Variants in LRP2 observed in about 807,000 individuals in gnomAD.
LRP2 encodes the protein low-density lipoprotein receptor-related protein 2.
A neutral mutation model predicts 531.0 loss-of-function variants in LRP2; 172 were observed. The ratio of observed to expected loss-of-function variants is 0.32; its 90% confidence interval spans 0.29 to 0.37. LRP2 has a LOEUF of 0.37. Among genes scored for constraint, LRP2 ranks in the 10% least tolerant of loss-of-function variants. The probability of loss-of-function intolerance (pLI) is 1.00; values close to 1 mark genes in which losing one functional copy is unlikely to be tolerated. For synonymous variants in LRP2, 1,992 were observed against 2,027.6 expected, an observed-to-expected ratio of 0.98 and a Z score of 0.47; for missense variants, 5,167 against 5,868.3, an observed-to-expected ratio of 0.88 and a Z score of 3.90.
chr2:169,243,813 A>C (rs1460775061), intron 22 of LRP2, among the ~76,000 whole-genome samples: 1 of 151,234 alleles, frequency 6.6e-6, no homozygotes, highest in Non-Finnish European at 1.5e-5. Flanking sequence ...CTTGGACTAC[A>C]TTTCATGAAT....
rs149622231 is a variant in LRP2 at position 169,312,848 on chromosome 2, C to T, written c.311-5451G>A. ...GTCACTTTCAGGTACAACAATCAGACGTAGATTTGGTCGTTTCACATAGTC... is the reference window on the plus strand; with the variant it reads ...GTCACTTTCAGGTACAACAATCAGATGTAGATTTGGTCGTTTCACATAGTC... On this transcript the variant is annotated intron_variant, in intron 3 of 78. Coordinates refer to ENST00000649046, the MANE Select transcript of LRP2 (RefSeq NM_004525.3). Among the ~76,000 whole-genome samples, 537 of 152,282 alleles carry T rather than the reference C, an allele frequency of 3.5e-3. 3 individuals are homozygous for T. The highest frequency in any genetic ancestry group is 0.012 in the African/African-American group (515 of 41,550).
chr2:169,312,594 C>A (rs1424270508), intron 3 of LRP2, among the ~76,000 whole-genome samples: 4 of 152,194 alleles, frequency 2.6e-5, no homozygotes, highest in Admixed American at 1.3e-4. Context: ...ATGGGCTTCC[C>A]TTTGTGGGTA....
chr2:169,260,546 T>C (rs1308145883), intron 16 of LRP2, among the ~76,000 whole-genome samples: 1 of 152,036 alleles, frequency 6.6e-6, no homozygotes, highest in African/African-American at 2.4e-5. Context: ...TAGAGGTGAT[T>C]GTAGGATATC....
intron 69 of LRP2, among the ~76,000 whole-genome samples, 167 bp downstream of exon 69, chr2:169,146,572 C>T (rs1250788052): frequency 2.0e-5 from 3 of 152,028 alleles, no homozygotes; most frequent in Non-Finnish European, 4.4e-5. Flanking sequence ...ATGAACTCAT[C>T]TGCATTTAAT....
At position 169,233,273 on chromosome 2, in the gene LRP2, T is replaced by A. The variant is rs879184774; in HGVS notation, c.5098+138A>T. On this transcript the variant is annotated intron_variant, in intron 30 of 78. Transcript: ENST00000649046. ...GGCAATGTCAGGACTAGGGAAAGTATATAGTGGGGTGGTTTGTAAAGAGAA... is the reference window on the plus strand; with the variant it reads ...GGCAATGTCAGGACTAGGGAAAGTAAATAGTGGGGTGGTTTGTAAAGAGAA... 1.0e-5 allele frequency: 9 copies of A among 879,938 alleles called. No individual in the cohort carries two copies. In the South Asian group the frequency reaches 1.1e-4, roughly 11 times the overall value. The allele number at this position is 879,938 out of a possible 1,614,324, so 54.5% of individuals were successfully genotyped here.
rs764172775 is a variant in LRP2 at position 169,138,216 on chromosome 2, AG to A, written c.13518+360del. 4.6e-5 allele frequency among the ~76,000 whole-genome samples: 7 copies of A among 152,340 alleles called. 1 individual carries two copies. The highest frequency in any genetic ancestry group is 1.9e-4 in the East Asian group (1 of 5,196). On this transcript the variant is annotated intron_variant, in intron 75 of 78. Coordinates refer to ENST00000649046, the MANE Select transcript of LRP2 (RefSeq NM_004525.3). ...AAATATATGACACTAGGAAAAATAT[AG>A]TTCCCTACTCCTTTTATACATATAA... is the stretch of plus-strand genomic sequence containing the variant.
At chr2:169,293,759 G>C (rs1438445039) in intron 6 of LRP2, among the ~76,000 whole-genome samples, 1 of 152,184 alleles carries the variant, frequency 6.6e-6, no homozygotes, top group African/African-American at 2.4e-5. Flanking sequence ...AGGAGAGTTA[G>C]AGCCACTCCT....
chr2:169,259,740 A>G lies in LRP2; in HGVS notation c.2321-523T>C, dbSNP rs540724724. Among the ~76,000 whole-genome samples the G allele has an allele frequency of 3.9e-3, 207 of 53,224 alleles. 1 individual carries two copies. Among genetic ancestry groups the G allele is most frequent in the African/African-American group, 0.011 (189 of 17,612 alleles). The allele number at this position is 53,224 out of a possible 152,430, so 34.9% of individuals were successfully genotyped here. ...GAAATCAGAACTGATTAAAAACAAC[A>G]ACAACAAAAAAAAAAAAACGCTTTC... On this transcript the variant is annotated intron_variant, in intron 16 of 78. Coordinates refer to ENST00000649046, the MANE Select transcript of LRP2 (RefSeq NM_004525.3).
rs924673331 is a variant in LRP2 at position 169,175,121 on chromosome 2, T to C, written c.10768+72A>G. 12 of 1,465,932 alleles carry C rather than the reference T, an allele frequency of 8.2e-6. No individual in the cohort carries two copies. The African/African-American group carries it at 1.7e-4, about 21-fold the overall frequency. The allele number at this position is 1,465,932 out of a possible 1,614,324, so 90.8% of individuals were successfully genotyped here. On this transcript the variant is annotated intron_variant, in intron 55 of 78. Transcript: ENST00000649046. ...TTTTTAGTTCATGATATTCAGGAAATACCCACAGAATCATGATCGTATACA... is the reference window on the plus strand; with the variant it reads ...TTTTTAGTTCATGATATTCAGGAAACACCCACAGAATCATGATCGTATACA...
At chr2:169,323,481 C>T (rs965563062) in intron 1 of LRP2, among the ~76,000 whole-genome samples, 1 of 152,106 alleles carries the variant, frequency 6.6e-6, no homozygotes, top group African/African-American at 2.4e-5. Context: ...TAGATTAGGT[C>T]TAATAACAAT....
chr2:169,212,195 G>C lies in LRP2; in HGVS notation c.6053C>G (p.Ser2018Cys). The part of the protein sequence containing the change: ...QVYHRRNAAE[S>C]SNGCSNNMNA... Reference sequence around the variant, plus strand: ...CATGTTGTTGCTACAGCCATTTGAGGATTCGGCGGCATCTAAATGAAAACA... The same window carrying C: ...CATGTTGTTGCTACAGCCATTTGAGCATTCGGCGGCATCTAAATGAAAACA... Residue 2018 changes from serine to cysteine, a missense_variant, in exon 37 of 79, where the codon TCC becomes TGC. Around this residue, in one of 6 missense-constraint regions of LRP2, gnomAD observed 2,811 missense variants for 3,058.0 expected, o/e 0.92. Transcript: ENST00000649046. The C allele has an allele frequency of 1.2e-6, 2 of 1,614,012 alleles. No individual in the cohort carries two copies. The highest frequency in any genetic ancestry group is 2.2e-5 in the South Asian group (2 of 91,080).
chr2:169,146,032 T>C, intron 69 of LRP2, 109 bp from the exon 70 acceptor site: 2 of 984,714 alleles, frequency 2.0e-6, no homozygotes, highest in Non-Finnish European at 3.1e-6. Flanking sequence ...AATTATTCCC[T>C]CATACAATGC....
intron 15 of LRP2, 78 bp downstream of exon 15, chr2:169,272,849 A>G: frequency 6.3e-7 from 1 of 1,576,434 alleles, no homozygotes; most frequent in East Asian, 2.2e-5. Context: ...GTTCAAGAGT[A>G]GCAGTTAGTC....
rs1293736226 is a variant in LRP2, at chr2:169,128,818, G to T, written c.13813C>A (p.Gln4605Lys). 1 of 1,613,906 alleles carries T rather than the reference G, an allele frequency of 6.2e-7. No individual in the cohort carries two copies. The highest frequency in any genetic ancestry group is 1.3e-5 in the African/African-American group (1 of 74,910). The change falls in exon 79 of 79, where the codon CAA (glutamine) becomes AAA (lysine). Residue 4605 changes from glutamine to lysine, a missense_variant. This residue lies in a region of LRP2 where 348 missense variants were observed against 369.3 expected (regional missense o/e 0.94). Coordinates refer to ENST00000649046, the MANE Select transcript of LRP2 (RefSeq NM_004525.3). ...GGTGTCGCAGCAACACTTTCCTTTT[G>T]CTCGTTCTCCATCTAAGAATACAAT... ...NPIYAQMENEQKESVAATPPP... is the reference protein window; with the variant it reads ...NPIYAQMENEKKESVAATPPP...
intron 49 of LRP2, 35 bp downstream of exon 49, chr2:169,187,935 C>T: frequency 6.3e-7 from 1 of 1,595,988 alleles, no homozygotes; most frequent in Non-Finnish European, 8.6e-7. Flanking sequence ...TCAGTCTCCC[C>T]TGTTTCCTTT....
At chr2:169,338,327 A>G (rs1426147352) in intron 1 of LRP2, among the ~76,000 whole-genome samples, 1 of 148,758 alleles carries the variant, frequency 6.7e-6, no homozygotes, top group Non-Finnish European at 1.5e-5. Context: ...AGAATGTAAG[A>G]GAGACAGAGA....
intron 1 of LRP2, among the ~76,000 whole-genome samples, chr2:169,346,184 A>G (rs928077517): frequency 6.6e-6 from 1 of 152,228 alleles, no homozygotes; most frequent in Non-Finnish European, 1.5e-5. Flanking sequence ...TCAATACAAT[A>G]TGATCCTTCT....
At chr2:169,229,704 A>G (rs548496756) in intron 31 of LRP2, among the ~76,000 whole-genome samples, 35 of 152,220 alleles carry the variant, frequency 2.3e-4, no homozygotes, top group Non-Finnish European at 3.7e-4. Context: ...CCCCTATCCA[A>G]CTGTAACCAC....
At chr2:169,315,166 T>A (rs1460654841) in intron 3 of LRP2, among the ~76,000 whole-genome samples, 1 of 152,228 alleles carries the variant, frequency 6.6e-6, no homozygotes, top group Admixed American at 6.5e-5. Context: ...CATCTATTCA[T>A]TAATTACACA....
Sources: allele counts gnomAD v4.1 joint callset (sites outside exome capture counted in the v4.1 genomes callset), GRCh38; gene constraint gnomAD v4.1.1; regional missense constraint gnomAD v4.1.1; transcripts MANE v1.5; gene names NCBI Gene and HGNC (gene_info 2026-07-23, HGNC 2026-07-21).